The following ZBED6 variants were observed in gnomAD, a reference collection of about 807,000 sequenced individuals.
ZBED6 encodes the protein zinc finger BED-type containing 6, also known as zinc finger BED domain-containing protein 6.
Under a neutral mutation model 58.4 loss-of-function variants are expected in ZBED6, and 40 were observed. The observed-to-expected ratio is 0.68, with a 90% confidence interval of 0.53 to 0.89. ZBED6 has a LOEUF of 0.89. ZBED6 is among the 40% of genes least tolerant of loss of function. ZBED6 has a pLI of 0.00. For synonymous variants in ZBED6, 439 were observed against 350.6 expected (o/e 1.25, Z -2.82); for missense variants, 1,057 against 1,003.9 (o/e 1.05, Z -0.71).
At chr1:203,831,793 G>A (rs775897965) in intron 8 of ZBED6, 22 bp downstream of exon 8, 2 of 1,577,834 alleles carry the variant, frequency 1.3e-6, no homozygotes, top group Admixed American at 3.5e-5. Flanking sequence ...ATAGGTCTTA[G>A]AGTTGTCAAG....
At chr1:203,846,734 C>T (rs1024931469) in intron 11 of ZBED6, among the ~76,000 whole-genome samples, 6 of 152,180 alleles carry the variant, frequency 3.9e-5, no homozygotes, top group Non-Finnish European at 8.8e-5. Context: ...TAGTAAATGG[C>T]TTTCAGTTTC....
chr1:203,829,350 A>G (rs1396722493), intron 4 of ZBED6, 101 bp from the exon 5 acceptor site: 2 of 1,189,272 alleles, frequency 1.7e-6, no homozygotes, highest in East Asian at 2.4e-5. Flanking sequence ...ATAAATGCTC[A>G]TAAGACAAAT....
At chr1:203,837,667 A>G (rs140766375) in intron 9 of ZBED6, among the ~76,000 whole-genome samples, 51 of 152,080 alleles carry the variant, frequency 3.4e-4, no homozygotes, top group African/African-American at 1.2e-3. Context: ...TTTTAGAGAC[A>G]AGGTCTTGCT....
chr1:203,847,454 G>A, exon 12 of ZBED6: 2 of 1,613,968 alleles, frequency 1.2e-6, no homozygotes, highest in South Asian at 2.2e-5. Context: ...AAGATTGATA[G>A]TGAAATTAAA....
chr1:203,817,656 G>T (rs1013752030), intron 2 of ZBED6, among the ~76,000 whole-genome samples: 2 of 151,882 alleles, frequency 1.3e-5, no homozygotes, highest in African/African-American at 4.8e-5. Context: ...TTCTTTTGCA[G>T]CTCTATTTAC....
chr1:203,814,829 T>A (rs12060105), intron 1 of ZBED6: 16,754 of 152,224 alleles, frequency 0.11, 1,167 homozygotes, highest in Non-Finnish European at 0.15. Flanking sequence ...GTAATTTTTT[T>A]AAATCATTTG....
chr1:203,834,446 A>AT (rs1683539708), intron 9 of ZBED6, among the ~76,000 whole-genome samples: 1 of 151,456 alleles, frequency 6.6e-6, no homozygotes, highest in South Asian at 2.1e-4. Flanking sequence ...TAATTTTTGT[A>AT]TTTTTTATAG....
At chr1:203,828,236 A>G in intron 3 of ZBED6, 63 bp from the exon 4 acceptor site, 1 of 1,596,694 alleles carries the variant, frequency 6.3e-7, no homozygotes, top group Non-Finnish European at 8.6e-7. Context: ...TAGAAAACAA[A>G]CTGCCACATG....
chr1:203,801,459 A>G (rs1048314695), exon 1 of ZBED6: 1 of 152,348 alleles, frequency 6.6e-6, no homozygotes. Context: ...CTCTGAAAGT[A>G]TGTTTCTGAG....
chr1:203,827,234 A>G (rs1044842207), intron 3 of ZBED6, among the ~76,000 whole-genome samples: 1 of 152,214 alleles, frequency 6.6e-6, no homozygotes, highest in African/African-American at 2.4e-5. Context: ...GCTATTGAAA[A>G]TAATATTGCT....
At chr1:203,851,744 C>G (rs1308635366) in intron 16 of ZBED6, among the ~76,000 whole-genome samples, 1 of 152,016 alleles carries the variant, frequency 6.6e-6, no homozygotes, top group Non-Finnish European at 1.5e-5. Context: ...TGGAGAATCA[C>G]TTGAGCTCAG....
At chr1:203,821,433 T>A (rs1311813137) in intron 3 of ZBED6, among the ~76,000 whole-genome samples, 1 of 152,208 alleles carries the variant, frequency 6.6e-6, no homozygotes, top group Non-Finnish European at 1.5e-5. Context: ...TCATTACTTT[T>A]ATGCTCCGAT....
At chr1:203,836,884 A>T (rs994763811) in intron 9 of ZBED6, among the ~76,000 whole-genome samples, 2 of 152,256 alleles carry the variant, frequency 1.3e-5, no homozygotes, top group African/African-American at 4.8e-5. Context: ...TTTCTTTTCT[A>T]GAATTGGAGA....
At position 203,832,023 on chromosome 1, in the gene ZBED6, A is replaced by T. The variant is rs536990930; in HGVS notation, c.*3510+252A>T. Among the ~76,000 whole-genome samples, 3 of 152,266 alleles carry T rather than the reference A, an allele frequency of 2.0e-5. No homozygotes were observed. The East Asian group carries it at 5.8e-4, about 29-fold the overall frequency. ...CACTCAATACATTTATTGGCTTCCC[A>T]TGTGACTAAAGAATAATAGGTATAT... On this transcript the variant is annotated intron_variant, in intron 8 of 16. Coordinates refer to ENST00000550078, the Ensembl canonical transcript of ZBED6.
exon 1 of ZBED6, chr1:203,798,626 A>G: frequency 6.5e-7 from 1 of 1,536,170 alleles, no homozygotes; most frequent in Middle Eastern, 1.7e-4. Context: ...ACTCTGATTC[A>G]GATGAACCTA....
intron 1 of ZBED6, among the ~76,000 whole-genome samples, chr1:203,810,678 CAAA>C (rs1384493032): frequency 6.6e-6 from 1 of 152,124 alleles, no homozygotes; most frequent in African/African-American, 2.4e-5. Context: ...CTCGGACTCC[CAAA>C]ATGCTGGGAA....
chr1:203,828,217 A>C lies in ZBED6; in HGVS notation c.*2874-82A>C, dbSNP rs991863180. On this transcript the variant is annotated intron_variant, in intron 3 of 16. Transcript: ENST00000550078. ...GCCTCGGATTTTTGAACCCTGTATGAACTTTGTCTAGAAAACAAACTGCCA... is the reference window on the plus strand; with the variant it reads ...GCCTCGGATTTTTGAACCCTGTATGCACTTTGTCTAGAAAACAAACTGCCA... The C allele has an allele frequency of 9.7e-6, 15 of 1,551,972 alleles. No homozygotes were observed. The African/African-American group carries it at 1.9e-4, about 20-fold the overall frequency.
Position 203,838,081 on chromosome 1 carries a change from A to ATAC in ZBED6, c.*3672+19_*3672+21dup, listed in dbSNP as rs1327933533. On this transcript the variant is annotated intron_variant, in intron 10 of 16. Coordinates refer to ENST00000550078, the Ensembl canonical transcript of ZBED6. Reference sequence around the variant, plus strand: ...CAAAGAAAGGTACCTGTGTTCTTACATACTTTGTGTGTGTATGTAATTATG... The same window carrying ATAC: ...CAAAGAAAGGTACCTGTGTTCTTACATACTACTTTGTGTGTGTATGTAATTATG... 5 of 1,611,392 alleles carry ATAC rather than the reference A, an allele frequency of 3.1e-6. No individual in the cohort carries two copies. The highest frequency in any genetic ancestry group is 1.7e-5 in the Admixed American group (1 of 59,752).
At chr1:203,815,211 C>CTTTCTTTTTTTTTTT (rs779729339) in intron 1 of ZBED6, among the ~76,000 whole-genome samples, 22 of 59,408 alleles carry the variant, frequency 3.7e-4, no homozygotes, top group African/African-American at 7.6e-4. Context: ...TCTTCCTTTT[C>CTTTCTTTTTTTTTTT]TTTTCTTTTT....
Sources: gnomAD v4.1 joint callset for allele counts (sites outside exome capture counted in the v4.1 genomes callset) on GRCh38, gnomAD v4.1.1 for gene constraint, MANE v1.5 for transcripts, NCBI Gene and HGNC (gene_info 2026-07-23, HGNC 2026-07-21) for gene names.